The following TIAM1 variants were observed in gnomAD, a reference collection of about 807,000 sequenced individuals.
The protein encoded by TIAM1 is rho guanine nucleotide exchange factor TIAM1.
Under a neutral mutation model 163.5 loss-of-function variants are expected in TIAM1, and 65 were observed. That is an observed-to-expected ratio of 0.40 (90% CI 0.33 to 0.49). TIAM1 has a LOEUF of 0.49. TIAM1 is among the 20% of genes least tolerant of loss of function. The pLI, the probability that TIAM1 is intolerant of heterozygous loss-of-function variation, is 0.77. For synonymous variants in TIAM1, 833 were observed against 810.1 expected, an observed-to-expected ratio of 1.03 and a Z score of -0.48; for missense variants, 1,789 against 2,044.7, an observed-to-expected ratio of 0.87 and a Z score of 2.41.
intron 2 of TIAM1, among the ~76,000 whole-genome samples, chr21:31,296,909 C>T (rs1025030974): frequency 4.6e-5 from 7 of 152,272 alleles, no homozygotes; most frequent in East Asian, 3.9e-4. Context: ...ATAATCCGCC[C>T]GCCTTGGCCT....
At chr21:31,232,729 A>T (rs1248908013) in intron 6 of TIAM1, among the ~76,000 whole-genome samples, 1 of 152,136 alleles carries the variant, frequency 6.6e-6, no homozygotes, top group Non-Finnish European at 1.5e-5. Flanking sequence ...GGGACATCAG[A>T]TTCATGATGG....
intron 5 of TIAM1, among the ~76,000 whole-genome samples, chr21:31,245,959 A>T (rs73899702): frequency 0.01 from 1,561 of 152,240 alleles, 26 homozygotes; most frequent in African/African-American, 0.035. Flanking sequence ...TCACAGACAT[A>T]GGGTCTTGTG....
chr21:31,245,306 T>A (rs894072644), intron 6 of TIAM1, among the ~76,000 whole-genome samples, 182 bp downstream of exon 6: 2 of 146,334 alleles, frequency 1.4e-5, no homozygotes, highest in Non-Finnish European at 3.0e-5. Context: ...TGGAATTTAA[T>A]ATAGATGTTT....
At chr21:31,519,205 T>C (rs940444104) in intron 1 of TIAM1, among the ~76,000 whole-genome samples, 11 of 149,666 alleles carry the variant, frequency 7.3e-5, no homozygotes, top group Non-Finnish European at 1.2e-4. Context: ...CTCAGGAGGC[T>C]GAGGCAGGAG....
chr21:31,302,003 T>C (rs1403240968), intron 2 of TIAM1, among the ~76,000 whole-genome samples: 1 of 151,410 alleles, frequency 6.6e-6, no homozygotes, highest in Admixed American at 6.6e-5. Flanking sequence ...ATAAAACATA[T>C]ATAAAATGGA....
intron 2 of TIAM1, among the ~76,000 whole-genome samples, chr21:31,425,733 G>A (rs968121565): frequency 2.1e-5 from 3 of 144,180 alleles, no homozygotes; most frequent in African/African-American, 5.2e-5. Context: ...GTCTCGCTCT[G>A]TCGCCCAGGC....
intron 15 of TIAM1, among the ~76,000 whole-genome samples, chr21:31,169,265 G>C (rs2084391197): frequency 6.6e-6 from 1 of 152,186 alleles, no homozygotes. Context: ...CTGCACTTCA[G>C]CCTGGCAGAC....
chr21:31,148,993 G>GTTTTTTTT (rs1568921557), intron 19 of TIAM1, among the ~76,000 whole-genome samples: 3 of 150,876 alleles, frequency 2.0e-5, no homozygotes, highest in African/African-American at 7.4e-5. Context: ...ACAATGAGGA[G>GTTTTTTTT]TTTAAAAAGA....
chr21:31,455,845 AG>A (rs1460372251), intron 2 of TIAM1, among the ~76,000 whole-genome samples: 1 of 152,234 alleles, frequency 6.6e-6, no homozygotes, highest in African/African-American at 2.4e-5. Context: ...ATGGCTGTCA[AG>A]GAAAAACTGA....
chr21:31,519,841 G>A (rs984955894), intron 1 of TIAM1, among the ~76,000 whole-genome samples: 2 of 152,194 alleles, frequency 1.3e-5, no homozygotes, highest in Non-Finnish European at 1.5e-5. Context: ...GGTCCCTAGA[G>A]CAGTCGAATA....
At chr21:31,365,739 T>C (rs1429881571) in intron 2 of TIAM1, among the ~76,000 whole-genome samples, 1 of 152,014 alleles carries the variant, frequency 6.6e-6, no homozygotes, top group Non-Finnish European at 1.5e-5. Flanking sequence ...ACCTGGAACA[T>C]AACAGGTGCT....
At chr21:31,488,281 G>A (rs1011061655) in intron 1 of TIAM1, among the ~76,000 whole-genome samples, 2 of 152,222 alleles carry the variant, frequency 1.3e-5, no homozygotes, top group African/African-American at 4.8e-5. Context: ...TTCACAGACT[G>A]GGAAACTGAG....
chr21:31,388,105 C>CA (rs74587508), intron 2 of TIAM1, among the ~76,000 whole-genome samples: 18,953 of 151,924 alleles, frequency 0.12, 1,361 homozygotes, highest in Admixed American at 0.22. Flanking sequence ...TAGCAGACGC[C>CA]GCAAAAAGCT....
chr21:31,120,865 T>A lies in TIAM1; in HGVS notation c.4307-28A>T. 6.4e-7 allele frequency: 1 copy of A among 1,553,188 alleles called. No individual in the cohort carries two copies. The highest frequency in any genetic ancestry group is 8.7e-7 in the Non-Finnish European group (1 of 1,152,090). On this transcript the variant is annotated intron_variant, in intron 27 of 27. Transcript: ENST00000541036. The surrounding 1 kb of genome is among the most constrained non-coding windows in gnomAD (Gnocchi z 4.2). Reference sequence around the variant, plus strand: ...GCACACACACACAAAAATATAAAAATAAAACCCCCACATGCTTTACGTGAG... The same window carrying A: ...GCACACACACACAAAAATATAAAAAAAAAACCCCCACATGCTTTACGTGAG...
At chr21:31,127,276 ATATTTTCCTAC>A in intron 25 of TIAM1, 124 bp from the exon 26 acceptor site, 1 of 811,420 alleles carries the variant, frequency 1.2e-6, no homozygotes, top group Admixed American at 2.4e-5. Flanking sequence ...AAGATCAAAG[ATATTTTCCTAC>A]TATTTCACAA....
chr21:31,226,195 C>T (rs1172665068), intron 6 of TIAM1, among the ~76,000 whole-genome samples: 1 of 152,222 alleles, frequency 6.6e-6, no homozygotes, highest in South Asian at 2.1e-4. Flanking sequence ...ACCATGTCTG[C>T]TCACTCAATG....
intron 10 of TIAM1, among the ~76,000 whole-genome samples, chr21:31,212,069 A>C (rs2086912122): frequency 6.6e-6 from 1 of 152,176 alleles, no homozygotes; most frequent in Admixed American, 6.5e-5. Flanking sequence ...CCAAAAACTG[A>C]ATTTCTTCAA....
chr21:31,234,896 A>G (rs2088659485), intron 6 of TIAM1, among the ~76,000 whole-genome samples: 1 of 152,206 alleles, frequency 6.6e-6, no homozygotes. Context: ...TAAAACACAA[A>G]CATGCTAATC....
intron 2 of TIAM1, among the ~76,000 whole-genome samples, chr21:31,402,641 C>T (rs1484593348): frequency 5.9e-5 from 9 of 152,136 alleles, no homozygotes; most frequent in South Asian, 2.1e-4. Flanking sequence ...CTCAGTTTCT[C>T]CCCGTTAGAA....
Sources: gnomAD v4.1 joint callset for allele counts (sites outside exome capture counted in the v4.1 genomes callset) on GRCh38, gnomAD v4.1.1 for gene constraint, Gnocchi (gnomAD v3.1) non-coding constraint, MANE v1.5 for transcripts, NCBI Gene and HGNC (gene_info 2026-07-23, HGNC 2026-07-21) for gene names.